PCDH7: variants seen among roughly 807,000 people sequenced by gnomAD.
PCDH7 encodes the protein protocadherin 7.
PCDH7 carries 17 observed loss-of-function variants against 58.9 expected under a neutral mutation model. The observed-to-expected ratio is 0.29, with a 90% CI of 0.20 to 0.43. The LOEUF (loss-of-function observed/expected upper bound fraction) is 0.43. PCDH7 is among the 20% of genes least tolerant of loss of function. The pLI, the probability that PCDH7 is intolerant of heterozygous loss-of-function variation, is 1.00. For missense variants in PCDH7, 1,274 were observed against 1,441.0 expected, an observed-to-expected ratio of 0.88 and a Z score of 1.88; for synonymous variants, 664 against 616.4, an observed-to-expected ratio of 1.08 and a Z score of -1.14.
chr4:31,022,749 A>G (rs1163713692), intron 3 of PCDH7, among the ~76,000 whole-genome samples: 1 of 152,182 alleles, frequency 6.6e-6, no homozygotes, highest in Non-Finnish European at 1.5e-5. Flanking sequence ...AACTATTATG[A>G]GTAGGCTACC....
intron 1 of PCDH7, among the ~76,000 whole-genome samples, chr4:30,913,314 A>T: frequency 6.6e-6 from 1 of 152,194 alleles, no homozygotes; most frequent in Non-Finnish European, 1.5e-5. Flanking sequence ...TTAAAAAAAT[A>T]ATAAAAATGA....
intron 1 of PCDH7, among the ~76,000 whole-genome samples, chr4:30,792,307 C>T (rs747844009): frequency 1.9e-4 from 29 of 152,220 alleles, no homozygotes; most frequent in Non-Finnish European, 4.0e-4. Flanking sequence ...AAATGGCCCT[C>T]TGGTCTTGGA....
At chr4:30,993,261 A>G (rs1349475374) in intron 3 of PCDH7, among the ~76,000 whole-genome samples, 2 of 152,214 alleles carry the variant, frequency 1.3e-5, no homozygotes, top group Non-Finnish European at 2.9e-5. Flanking sequence ...TTTCCCATGT[A>G]TGTGATCCCA....
intron 1 of PCDH7, among the ~76,000 whole-genome samples, chr4:30,842,788 G>C (rs889452203): frequency 1.3e-5 from 2 of 152,168 alleles, no homozygotes; most frequent in Non-Finnish European, 2.9e-5. Context: ...ACAGACCACT[G>C]TGAAGGTTAT....
At chr4:30,790,381 G>C (rs1051121682) in intron 1 of PCDH7, among the ~76,000 whole-genome samples, 2 of 152,164 alleles carry the variant, frequency 1.3e-5, no homozygotes, top group African/African-American at 4.8e-5. Flanking sequence ...GCAGGAAGTG[G>C]AACTGGACTT....
chr4:31,085,468 T>A (rs1302956460), intron 3 of PCDH7, among the ~76,000 whole-genome samples: 2 of 152,200 alleles, frequency 1.3e-5, no homozygotes, highest in African/African-American at 4.8e-5. Context: ...AAAGGGCTGT[T>A]ACTGTCTTTG....
At chr4:30,794,365 T>C (rs758555052) in intron 1 of PCDH7, among the ~76,000 whole-genome samples, 3 of 152,222 alleles carry the variant, frequency 2.0e-5, no homozygotes, top group Non-Finnish European at 4.4e-5. Flanking sequence ...GCCTCCTGTT[T>C]TAGGACTGTA....
chr4:30,965,154 C>T (rs902259476), intron 3 of PCDH7, among the ~76,000 whole-genome samples: 1 of 151,976 alleles, frequency 6.6e-6, no homozygotes, highest in Non-Finnish European at 1.5e-5. Context: ...ATTTAGTACA[C>T]GGTCTTTAAG....
intron 1 of PCDH7, among the ~76,000 whole-genome samples, chr4:30,794,478 T>A (rs1350025954): frequency 6.6e-6 from 1 of 152,194 alleles, no homozygotes; most frequent in Non-Finnish European, 1.5e-5. Context: ...TTTTGGCAGT[T>A]AATCTATAGA....
intron 2 of PCDH7, among the ~76,000 whole-genome samples, chr4:30,944,872 A>G (rs1224353606): frequency 6.6e-6 from 1 of 152,198 alleles, no homozygotes. Context: ...TAAAGGACAT[A>G]GTGGGTTATG....
intron 3 of PCDH7, among the ~76,000 whole-genome samples, chr4:31,110,062 A>T (rs907806604): frequency 6.6e-6 from 1 of 152,248 alleles, no homozygotes; most frequent in African/African-American, 2.4e-5. Context: ...CAAAGCATTT[A>T]TGGCTACCTA....
intron 3 of PCDH7, among the ~76,000 whole-genome samples, chr4:31,093,064 T>C (rs920099246): frequency 6.6e-6 from 1 of 152,080 alleles, no homozygotes; most frequent in African/African-American, 2.4e-5. Flanking sequence ...CAATGAATAA[T>C]GTGCACAGAT....
At chr4:30,894,558 CAT>C (rs1195046684) in intron 1 of PCDH7, among the ~76,000 whole-genome samples, 91 of 96,326 alleles carry the variant, frequency 9.4e-4, no homozygotes, top group Non-Finnish European at 1.4e-3. Context: ...CACACACACA[CAT>C]ATATACATAT....
intron 3 of PCDH7, among the ~76,000 whole-genome samples, chr4:30,982,719 T>C (rs2109112452): frequency 6.6e-6 from 1 of 152,284 alleles, no homozygotes; most frequent in South Asian, 2.1e-4. Context: ...TTTTCCCAGT[T>C]ACTTTACTGA....
intron 3 of PCDH7, among the ~76,000 whole-genome samples, chr4:31,005,648 A>G (rs941370994): frequency 3.3e-5 from 5 of 152,308 alleles, no homozygotes; most frequent in East Asian, 3.9e-4. Flanking sequence ...GAATCGGATG[A>G]AAGATTTTAA....
intron 3 of PCDH7, among the ~76,000 whole-genome samples, chr4:31,066,550 C>T (rs1017241380): frequency 1.3e-5 from 2 of 151,858 alleles, no homozygotes; most frequent in East Asian, 3.9e-4. Context: ...AAGCCACATT[C>T]GCAAACTTAC....
chr4:31,125,647 A>G (rs921370440), intron 3 of PCDH7, among the ~76,000 whole-genome samples: 4 of 152,176 alleles, frequency 2.6e-5, no homozygotes, highest in African/African-American at 7.2e-5. Context: ...ATCTCTCGTG[A>G]TGCTAGGAAG....
chr4:30,932,537 A>T (rs780788474), intron 2 of PCDH7, among the ~76,000 whole-genome samples: 2 of 152,226 alleles, frequency 1.3e-5, no homozygotes, highest in Non-Finnish European at 2.9e-5. Flanking sequence ...CTACAAAATA[A>T]TTTCCAAGTA....
chr4:31,141,186 C>T (rs1720207717), intron 3 of PCDH7, among the ~76,000 whole-genome samples: 1 of 152,208 alleles, frequency 6.6e-6, no homozygotes. Context: ...GTGTACATAT[C>T]TTGGGAATAA....
Sources: allele counts gnomAD v4.1 joint callset (sites outside exome capture counted in the v4.1 genomes callset), GRCh38; gene constraint gnomAD v4.1.1; transcripts MANE v1.5; gene names NCBI Gene and HGNC (gene_info 2026-07-23, HGNC 2026-07-21).